Variants in NME9 observed in about 807,000 individuals in gnomAD.
The protein encoded by NME9 is NME/NM23 family member 9, also known as thioredoxin domain-containing protein 6.
Under a neutral mutation model 44.4 loss-of-function variants are expected in NME9, and 48 were observed. That is an observed-to-expected ratio of 1.08 (90% CI 0.86 to 1.37). The LOEUF is 1.37. NME9 is among the 40% of genes most tolerant of loss of function. NME9 has a pLI of 0.00. For synonymous variants in NME9, 139 were observed against 147.1 expected (o/e 0.94, Z 0.40); for missense variants, 325 against 405.2 (o/e 0.80, Z 1.70).
chr3:138,274,428 G>A, intron 8 of NME9: 1 of 1,476,936 alleles, frequency 6.8e-7, no homozygotes, highest in South Asian at 1.2e-5. Flanking sequence ...TGATAATTAT[G>A]GATTTCCCAT....
rs187658476 is a variant in NME9 at position 138,319,997 on chromosome 3, T to A, written c.92-416A>T. ...AATTGACTTTTATGTAATCCTTTGA[T>A]AACAAACACAGGTTTGACCTTTTCC... On this transcript the variant is annotated intron_variant, in intron 2 of 10. Coordinates refer to ENST00000333911, the MANE Select transcript of NME9 (RefSeq NM_001349018.2). Among the ~76,000 whole-genome samples, 221 of 152,286 alleles carry A rather than the reference T, an allele frequency of 1.5e-3. 1 individual carries two copies. Among genetic ancestry groups the A allele is most frequent in the African/African-American group, 5.0e-3 (208 of 41,564 alleles).
In NME9 at chr3:138,263,892, A is replaced by C. The variant is rs1576838998; in HGVS notation, c.746-1306T>G. 47 of 1,313,316 alleles carry C rather than the reference A, an allele frequency of 3.6e-5. No homozygotes were observed. In the South Asian group the frequency reaches 5.4e-4, roughly 15 times the overall value. 81.4% of individuals were successfully genotyped at this position (1,313,316 alleles called of 1,614,324 possible). ...TAACCTGTTTCCTTTCTGGTCCTTC[A>C]CTGAGTAAACACAGACTACAAATGT... On this transcript the variant is annotated intron_variant, in intron 8 of 8. Transcript: ENST00000317876.
intron 2 of NME9, among the ~76,000 whole-genome samples, chr3:138,321,324 C>A (rs1398206163): frequency 6.6e-6 from 1 of 152,218 alleles, no homozygotes; most frequent in Non-Finnish European, 1.5e-5. Flanking sequence ...GTTTGGTGGT[C>A]AGGTAAGGGC....
At chr3:138,323,927 A>C (rs1174180918) in intron 2 of NME9, among the ~76,000 whole-genome samples, 1 of 152,168 alleles carries the variant, frequency 6.6e-6, no homozygotes, top group African/African-American at 2.4e-5. Flanking sequence ...TACTTGTGTA[A>C]TCCCCTGCCC....
At chr3:138,281,356 G>GAT (rs1208506006) in intron 8 of NME9, among the ~76,000 whole-genome samples, 1 of 150,964 alleles carries the variant, frequency 6.6e-6, no homozygotes, top group Non-Finnish European at 1.5e-5. Flanking sequence ...GCAGTGACGC[G>GAT]ATATCGGCTC....
chr3:138,275,834 C>T (rs932579726), intron 8 of NME9, among the ~76,000 whole-genome samples: 2 of 152,072 alleles, frequency 1.3e-5, no homozygotes, highest in African/African-American at 4.8e-5. Context: ...TACGTGATAT[C>T]TCTTAAAATT....
intron 2 of NME9, among the ~76,000 whole-genome samples, chr3:138,320,548 T>A (rs1484825293): frequency 6.6e-6 from 1 of 152,250 alleles, no homozygotes; most frequent in Admixed American, 6.5e-5. Context: ...TTCAAAATTT[T>A]CCCATCAAGT....
chr3:138,263,947 A>G, intron 8 of NME9: 1 of 1,035,590 alleles, frequency 9.7e-7, no homozygotes, highest in East Asian at 2.4e-5. Flanking sequence ...GTGAATTCAT[A>G]GAGTATATAA....
intron 1 of NME9, among the ~76,000 whole-genome samples, chr3:138,327,595 T>C (rs1181955956): frequency 6.6e-6 from 1 of 152,218 alleles, no homozygotes; most frequent in Non-Finnish European, 1.5e-5. Context: ...CTTGATGTCC[T>C]GTGATTTCTG....
chr3:138,305,063 G>T (rs1248695594), intron 8 of NME9, 36 bp from the exon 9 acceptor site: 2 of 1,602,240 alleles, frequency 1.2e-6, no homozygotes, highest in Non-Finnish European at 1.7e-6. Flanking sequence ...ACCAGGGCAG[G>T]AGCTGCTAGG....
At chr3:138,282,314 G>T (rs890907658) in intron 8 of NME9, among the ~76,000 whole-genome samples, 2 of 152,126 alleles carry the variant, frequency 1.3e-5, no homozygotes, top group African/African-American at 4.8e-5. Context: ...GCCACATTTG[G>T]ATTGCATGTC....
intron 7 of NME9, 149 bp downstream of exon 7, chr3:138,306,249 C>G (rs1439288331): frequency 8.3e-6 from 7 of 840,936 alleles, no homozygotes; most frequent in Non-Finnish European, 1.2e-5. Context: ...TCAGATTTAA[C>G]ATTTTCATTT....
intron 8 of NME9, among the ~76,000 whole-genome samples, chr3:138,270,672 C>T (rs971499393): frequency 6.6e-6 from 1 of 152,002 alleles, no homozygotes; most frequent in Non-Finnish European, 1.5e-5. Flanking sequence ...ATGTGTATTA[C>T]CTCACATATT....
rs2054003557 is a variant in NME9, at chr3:138,329,657, G to A, written c.-322C>T. The A allele has an allele frequency of 1.6e-6, 2 of 1,252,934 alleles. No homozygotes were observed. Among genetic ancestry groups the A allele is most frequent in the Non-Finnish European group, 1.0e-6 (1 of 996,734 alleles). 77.6% of individuals were successfully genotyped at this position (1,252,934 alleles called of 1,614,324 possible). A position where few individuals can be genotyped will look rare whatever the true frequency, so the allele number is the denominator to read the frequency against. On this transcript the variant is annotated 5_prime_UTR_variant, in exon 1 of 11. Coordinates refer to ENST00000333911, the MANE Select transcript of NME9 (RefSeq NM_001349018.2). ...CGCAGAGGCCGGAGTCAGTGCGCCG[G>A]GCGCGGTGCAGCCTGTCGGGCACAG...
chr3:138,273,206 G>T, intron 8 of NME9: 1 of 1,300,624 alleles, frequency 7.7e-7, no homozygotes, highest in South Asian at 1.7e-5. Flanking sequence ...ATTAACATCT[G>T]CCCATGAGTG....
At chr3:138,281,609 T>A (rs776419069) in intron 8 of NME9, among the ~76,000 whole-genome samples, 19 of 152,062 alleles carry the variant, frequency 1.2e-4, no homozygotes, top group Non-Finnish European at 2.1e-4. Context: ...TCTTTAAGAT[T>A]TGATTGCTTG....
intron 8 of NME9, chr3:138,284,672 C>A (rs1468440250): frequency 3.2e-6 from 2 of 626,900 alleles, no homozygotes; most frequent in Non-Finnish European, 2.7e-6. Context: ...CTCTTCCATC[C>A]TGAAGAAAAA....
chr3:138,319,633 A>C, intron 2 of NME9, 52 bp from the exon 3 acceptor site: 1 of 911,164 alleles, frequency 1.1e-6, no homozygotes, highest in Non-Finnish European at 1.8e-6. Context: ...TGCCCACCAC[A>C]CCATGCATAA....
At chr3:138,274,670 A>G in intron 8 of NME9, 1 of 671,010 alleles carries the variant, frequency 1.5e-6, no homozygotes, top group East Asian at 2.7e-5. Context: ...CTCTAGAAAT[A>G]GGAAGAAATA....
Sources: gnomAD v4.1 joint callset for allele counts (sites outside exome capture counted in the v4.1 genomes callset) on GRCh38, gnomAD v4.1.1 for gene constraint, MANE v1.5 for transcripts, NCBI Gene and HGNC (gene_info 2026-07-23, HGNC 2026-07-21) for gene names.